EYS: variants seen among roughly 807,000 people sequenced by gnomAD.
EYS encodes the protein protein eyes shut homolog.
In EYS, 250 loss-of-function variants were observed where a neutral mutation model predicts 282.1. The ratio of observed to expected loss-of-function variants is 0.89; its 90% CI spans 0.80 to 0.98. The LOEUF is 0.98. Ranked by LOEUF, EYS falls within the 50% of genes least tolerant of loss-of-function variation. The probability of loss-of-function intolerance (pLI) is 0.00; values close to 1 mark genes in which losing one functional copy is unlikely to be tolerated. For missense variants in EYS, 4,016 were observed against 3,709.0 expected (o/e 1.08, Z -2.15); for synonymous variants, 1,355 against 1,282.9 (o/e 1.06, Z -1.20).
At chr6:64,803,783 T>A (rs1399106745) in intron 22 of EYS, among the ~76,000 whole-genome samples, 3 of 152,148 alleles carry the variant, frequency 2.0e-5, no homozygotes, top group African/African-American at 7.2e-5. Flanking sequence ...ACCTGGCCGG[T>A]CCTGACAGTG....
intron 35 of EYS, among the ~76,000 whole-genome samples, chr6:63,873,575 C>T (rs1312484538): frequency 6.6e-6 from 1 of 152,170 alleles, no homozygotes; most frequent in Non-Finnish European, 1.5e-5. Flanking sequence ...GAGGAATCCC[C>T]CACACTGTCT....
chr6:64,223,243 G>T (rs1241272058), intron 31 of EYS, among the ~76,000 whole-genome samples: 2 of 151,856 alleles, frequency 1.3e-5, no homozygotes, highest in Admixed American at 1.3e-4. Flanking sequence ...CAGTATATAA[G>T]AAATTATAAT....
intron 12 of EYS, among the ~76,000 whole-genome samples, chr6:65,251,318 G>C (rs966022413): frequency 1.8e-4 from 28 of 151,526 alleles, no homozygotes; most frequent in Non-Finnish European, 1.8e-4. Flanking sequence ...ACTGATGTTT[G>C]ATCAACGTAT....
intron 33 of EYS, among the ~76,000 whole-genome samples, chr6:64,006,598 T>A (rs1052038691): frequency 7.9e-5 from 12 of 152,156 alleles, no homozygotes; most frequent in Non-Finnish European, 1.6e-4. Flanking sequence ...ATCTGGTGCC[T>A]ATTCAGTATG....
chr6:64,707,520 T>A (rs111254099), intron 22 of EYS, among the ~76,000 whole-genome samples: 4,070 of 151,852 alleles, frequency 0.027, 166 homozygotes, highest in African/African-American at 0.094. Flanking sequence ...ATACAAAAAA[T>A]TAGCCGGGCG....
At chr6:63,723,079 A>T (rs566378896) in intron 42 of EYS, among the ~76,000 whole-genome samples, 2 of 152,288 alleles carry the variant, frequency 1.3e-5, no homozygotes, top group East Asian at 3.9e-4. Context: ...TATTAAATAA[A>T]GAAATACGTT....
At chr6:64,690,487 C>T (rs546788480) in intron 22 of EYS, among the ~76,000 whole-genome samples, 127 of 152,124 alleles carry the variant, frequency 8.3e-4, no homozygotes, top group African/African-American at 3.0e-3. Context: ...GGTATATACC[C>T]AAAGGATTAT....
chr6:65,269,298 T>G (rs919765507), intron 12 of EYS, among the ~76,000 whole-genome samples: 1 of 152,096 alleles, frequency 6.6e-6, no homozygotes, highest in Non-Finnish European at 1.5e-5. Flanking sequence ...ATCTTGGAGT[T>G]TAGGTATATG....
intron 12 of EYS, among the ~76,000 whole-genome samples, chr6:65,172,293 T>C (rs1145943): frequency 0.13 from 19,614 of 151,386 alleles, 1,731 homozygotes; most frequent in African/African-American, 0.25. Context: ...ATTAGTACCT[T>C]GGAAATCCTA....
At chr6:64,436,732 T>C (rs1342162957) in intron 27 of EYS, among the ~76,000 whole-genome samples, 1 of 151,824 alleles carries the variant, frequency 6.6e-6, no homozygotes, top group Non-Finnish European at 1.5e-5. Flanking sequence ...TCAGGGTGTC[T>C]GGGTTCATTT....
chr6:64,363,255 CA>C (rs1772076852), intron 29 of EYS, among the ~76,000 whole-genome samples: 1 of 151,876 alleles, frequency 6.6e-6, no homozygotes, highest in Non-Finnish European at 1.5e-5. Flanking sequence ...GTAAGATATA[CA>C]TTTTTTTATT....
At chr6:65,122,606 T>C (rs73766204) in intron 12 of EYS, among the ~76,000 whole-genome samples, 2,151 of 152,228 alleles carry the variant, frequency 0.014, 44 homozygotes, top group African/African-American at 0.049. Flanking sequence ...TTATGTTAGT[T>C]TCAGTTTTCA....
At chr6:65,518,436 T>C (rs1341785660) in intron 2 of EYS, among the ~76,000 whole-genome samples, 2 of 152,140 alleles carry the variant, frequency 1.3e-5, no homozygotes, top group Admixed American at 1.3e-4. Context: ...TGTTCAATAA[T>C]ATATTAAAGC....
At chr6:64,732,332 C>T (rs1216263866) in intron 22 of EYS, among the ~76,000 whole-genome samples, 2 of 151,930 alleles carry the variant, frequency 1.3e-5, no homozygotes, top group African/African-American at 4.8e-5. Context: ...GATGTTATTA[C>T]CTCCTGGACT....
chr6:65,591,197 A>T (rs1765219048), intron 2 of EYS, among the ~76,000 whole-genome samples: 1 of 151,916 alleles, frequency 6.6e-6, no homozygotes, highest in Admixed American at 6.6e-5. Flanking sequence ...ATGGTATTTT[A>T]CAGTGGTTTG....
At chr6:65,661,142 TC>T (rs1453862052) in intron 1 of EYS, among the ~76,000 whole-genome samples, 1 of 151,894 alleles carries the variant, frequency 6.6e-6, no homozygotes, top group African/African-American at 2.4e-5. Context: ...AAGATGGTCT[TC>T]CTTACCAAAG....
intron 10 of EYS, among the ~76,000 whole-genome samples, chr6:65,343,680 C>T (rs1021163118): frequency 3.3e-5 from 5 of 151,002 alleles, no homozygotes; most frequent in African/African-American, 1.2e-4. Context: ...GAGATTTAAA[C>T]ATATCCAAAA....
intron 26 of EYS, among the ~76,000 whole-genome samples, chr6:64,463,435 T>C (rs2150486941): frequency 6.6e-6 from 1 of 152,360 alleles, no homozygotes; most frequent in African/African-American, 2.4e-5. Context: ...TTCATCTAAA[T>C]ATACAAATAT....
chr6:64,285,455 G>C (rs963120860), intron 30 of EYS, among the ~76,000 whole-genome samples: 3 of 152,148 alleles, frequency 2.0e-5, no homozygotes, highest in Non-Finnish European at 4.4e-5. Context: ...CCTCAGCCTT[G>C]ATTTCACTGT....
Sources: allele counts gnomAD v4.1 joint callset (sites outside exome capture counted in the v4.1 genomes callset), GRCh38; gene constraint gnomAD v4.1.1; transcripts MANE v1.5; gene names NCBI Gene and HGNC (gene_info 2026-07-23, HGNC 2026-07-21).